CELSR1: variants seen among roughly 807,000 people sequenced by gnomAD.
The protein encoded by CELSR1 is adhesion G protein-coupled receptor C1.
A neutral mutation model predicts 249.1 loss-of-function variants in CELSR1; 110 were observed. The observed-to-expected ratio is 0.44, with a 90% confidence interval of 0.38 to 0.52. The LOEUF is 0.52. Ranked by LOEUF, CELSR1 falls within the 20% of genes least tolerant of loss-of-function variation. The pLI, the probability that CELSR1 is intolerant of heterozygous loss-of-function variation, is 0.00. For synonymous variants in CELSR1, 2,113 were observed against 1,900.0 expected, an observed-to-expected ratio of 1.11 and a Z score of -2.92; for missense variants, 4,109 against 4,296.4, an observed-to-expected ratio of 0.96 and a Z score of 1.22.
chr22:46,525,144 C>T (rs2080726179), intron 1 of CELSR1, among the ~76,000 whole-genome samples: 1 of 152,180 alleles, frequency 6.6e-6, no homozygotes, highest in Non-Finnish European at 1.5e-5. Flanking sequence ...GGCTGGGTCA[C>T]TGAATTAAAG....
intron 1 of CELSR1, among the ~76,000 whole-genome samples, chr22:46,485,887 C>T (rs4823823): frequency 1 from 150,814 of 150,814 alleles, 75,407 homozygotes; most frequent in Non-Finnish European, 1. Context: ...TGTGTCGTGG[C>T]CCAAACTAAT....
At chr22:46,475,048 C>G (rs947508701) in intron 1 of CELSR1, among the ~76,000 whole-genome samples, 2 of 152,056 alleles carry the variant, frequency 1.3e-5, no homozygotes, top group Admixed American at 6.6e-5. Flanking sequence ...AACACAAATG[C>G]CATTTTATCT....
intron 2 of CELSR1, among the ~76,000 whole-genome samples, chr22:46,451,624 G>A (rs868635014): frequency 3.9e-5 from 6 of 152,034 alleles, no homozygotes; most frequent in African/African-American, 1.4e-4. Flanking sequence ...TCACCCTCGG[G>A]GACACAGCCT....
At chr22:46,498,611 CAAA>C (rs35803268) in intron 1 of CELSR1, among the ~76,000 whole-genome samples, 6 of 109,058 alleles carry the variant, frequency 5.5e-5, no homozygotes, top group Non-Finnish European at 5.6e-5. Context: ...GACTCTGTCT[CAAA>C]AAAAAAAAAA....
rs1249628019 is a variant in CELSR1 at position 46,398,563 on chromosome 22, G to T, written c.5487C>A (p.Asp1829Glu). 1 of 1,613,752 alleles carries T rather than the reference G, an allele frequency of 6.2e-7. No homozygotes were observed. Among genetic ancestry groups the T allele is most frequent in the Admixed American group, 1.7e-5 (1 of 59,966 alleles). ...RSVVVGGASE[D>E]KVSVRRGFRG... ...GGAATCCACGGCGCACGGAGACCTT[G>T]TCTTCAGAGGCGCCTCCGACCACCA... The change falls in exon 11 of 35, where the codon GAC becomes GAA. Residue 1829 changes from aspartate (D) to glutamate (E), a missense_variant. This residue lies in a region of CELSR1 where 1,805 missense variants were observed against 1,831.6 expected (regional missense o/e 0.99). Transcript: ENST00000674500. The surrounding 1 kb of genome is among the most constrained non-coding windows in gnomAD (Gnocchi z 7.2).
At chr22:46,385,559 C>T (rs1316766370) in intron 19 of CELSR1, among the ~76,000 whole-genome samples, 1 of 152,198 alleles carries the variant, frequency 6.6e-6, no homozygotes, top group Non-Finnish European at 1.5e-5. Flanking sequence ...AAGATCATGG[C>T]CCAACATCTC....
rs768213302 is a variant in CELSR1, at chr22:46,396,724, C to T, written c.5724G>A (p.Val1908=). The stretch of plus-strand genomic sequence containing the variant: ...CGCAGGGGTTCAGGTGACAGGCATC[C>T]ACACAGTTTATTCCAAGGTACCCTG... ...CDKGYLGINC[V]DACHLNPCEN... is the part of the protein sequence containing the mutation. The change falls in exon 13 of 35, where the codon GTG becomes GTA. Residue 1908 remains valine, a synonymous_variant. Transcript: ENST00000674500. This position sits in a 1 kb window ranked among gnomAD's most constrained non-coding sequence, Gnocchi z 6.4. 6.8e-6 allele frequency: 11 copies of T among 1,612,854 alleles called. No individual in the cohort carries two copies. The highest frequency in any genetic ancestry group is 8.5e-6 in the Non-Finnish European group (10 of 1,179,542).
chr22:46,478,526 G>A (rs901696703), intron 1 of CELSR1, among the ~76,000 whole-genome samples: 1 of 151,852 alleles, frequency 6.6e-6, no homozygotes, highest in African/African-American at 2.4e-5. Flanking sequence ...CAAGAGAGCT[G>A]TGGACAATAA....
At position 46,372,990 on chromosome 22, in the gene CELSR1, A is replaced by T. The variant is rs1374177137; in HGVS notation, c.7652T>A (p.Val2551Glu). The change falls in exon 25 of 35, where the codon GTG becomes GAG. Residue 2551 changes from valine (V) to glutamate (E), a missense_variant. By Grantham distance (121) the Val-to-Glu change is moderately radical. Around this residue, in one of 7 missense-constraint regions of CELSR1, gnomAD observed 1,805 missense variants for 1,831.6 expected, o/e 0.99. Coordinates refer to ENST00000674500, the MANE Select transcript of CELSR1 (RefSeq NM_001378328.1). ...CATGCGGTAGACATGCAGGCTCTCC[A>T]CGAGGGTCCAGGCAAAGGTGCTCAT... ...IYMSTFAWTL[V>E]ESLHVYRMLT... 1.2e-6 allele frequency: 2 copies of T among 1,613,086 alleles called. No individual in the cohort carries two copies. The highest frequency in any genetic ancestry group is 1.7e-6 in the Non-Finnish European group (2 of 1,179,858).
chr22:46,443,243 A>G (rs961935736), intron 2 of CELSR1, among the ~76,000 whole-genome samples: 32 of 152,330 alleles, frequency 2.1e-4, no homozygotes, highest in African/African-American at 7.2e-4. Context: ...CACGCCAGTA[A>G]CCCCGAGGGC....
At chr22:46,482,355 C>G (rs738459) in intron 1 of CELSR1, among the ~76,000 whole-genome samples, 130,811 of 151,816 alleles carry the variant, frequency 0.86, 56,609 homozygotes, top group East Asian at 1. Context: ...GCCCTGAAGA[C>G]AGAGGAAGGG....
chr22:46,488,313 G>A lies in CELSR1; in HGVS notation c.3545-23968C>T, dbSNP rs1172401588. 6.6e-6 allele frequency among the ~76,000 whole-genome samples: 1 copy of A among 152,050 alleles called. No homozygotes were observed. On this transcript the variant is annotated intron_variant, in intron 1 of 34. Coordinates refer to ENST00000674500, the MANE Select transcript of CELSR1 (RefSeq NM_001378328.1). This position sits in a 1 kb window ranked among gnomAD's most constrained non-coding sequence, Gnocchi z 4.7. ...GGGAAGCCCTGCCCTCCTGGGGACA[G>A]GGGGATGGTCTTGGGGGATGAGAGT...
At chr22:46,403,971 C>CAAAAAAAA (rs756055741) in intron 9 of CELSR1, among the ~76,000 whole-genome samples, 300 of 43,546 alleles carry the variant, frequency 6.9e-3, no homozygotes, top group Non-Finnish European at 0.01. Flanking sequence ...AACTCCGTCT[C>CAAAAAAAA]AAAAAAAAAA....
intron 1 of CELSR1, among the ~76,000 whole-genome samples, chr22:46,528,440 T>C (rs2080759752): frequency 6.6e-6 from 1 of 152,132 alleles, no homozygotes; most frequent in Admixed American, 6.6e-5. Context: ...CCTACATCCA[T>C]GGGTCTGCAA....
At position 46,533,696 on chromosome 22, in the gene CELSR1, C is replaced by T. The variant is rs146204177; in HGVS notation, c.3475G>A (p.Glu1159Lys). Residue 1159 changes from glutamate to lysine, a missense_variant, in exon 1 of 35, where the codon GAA becomes AAA. This residue lies in a region of CELSR1 where 886 missense variants were observed against 896.5 expected (regional missense o/e 0.99). Transcript: ENST00000674500. ...TCCAGGTCGCGGCTGAGCTGCAGTT[C>T]GCCCGTGGCGGGGTCCAGCAGCAAC... Reference protein sequence around the residue: ...RLLLLDPATGELQLSRDLDNN... With the variant: ...RLLLLDPATGKLQLSRDLDNN... 49 of 1,610,980 alleles carry T rather than the reference C, an allele frequency of 3.0e-5. No homozygotes were observed. The African/African-American group carries it at 3.5e-4, about 11-fold the overall frequency.
At chr22:46,452,595 C>G (rs1229257134) in intron 2 of CELSR1, among the ~76,000 whole-genome samples, 2 of 152,230 alleles carry the variant, frequency 1.3e-5, no homozygotes, top group Non-Finnish European at 2.9e-5. Context: ...TCTCGACTCC[C>G]CCTGCAGGGC....
intron 2 of CELSR1, chr22:46,462,891 A>C (rs1477317222): frequency 2.1e-6 from 1 of 468,478 alleles, no homozygotes; most frequent in East Asian, 7.0e-5. Flanking sequence ...GAGCATCTTC[A>C]GAGGCGGGAG....
chr22:46,452,803 C>G (rs2079901600), intron 2 of CELSR1, among the ~76,000 whole-genome samples: 1 of 152,224 alleles, frequency 6.6e-6, no homozygotes, highest in African/African-American at 2.4e-5. Flanking sequence ...GAGGGGGACG[C>G]AGACTTCACG....
At chr22:46,492,831 T>G (rs2080380386) in intron 1 of CELSR1, among the ~76,000 whole-genome samples, 1 of 151,654 alleles carries the variant, frequency 6.6e-6, no homozygotes, top group Non-Finnish European at 1.5e-5. Flanking sequence ...GCACTCCAGT[T>G]TGGGCGACAG....
Sources: gnomAD v4.1 joint callset for allele counts (sites outside exome capture counted in the v4.1 genomes callset) on GRCh38, gnomAD v4.1.1 for gene constraint, gnomAD v4.1.1 regional missense constraint, Gnocchi (gnomAD v3.1) non-coding constraint, MANE v1.5 for transcripts, NCBI Gene and HGNC (gene_info 2026-07-23, HGNC 2026-07-21) for gene names.